The following ZMYND8 variants were observed in gnomAD, a reference collection of about 807,000 sequenced individuals.
ZMYND8 encodes the protein MYND-type zinc finger-containing chromatin reader ZMYND8.
A neutral mutation model predicts 140.8 loss-of-function variants in ZMYND8; 37 were observed. That is an observed-to-expected ratio of 0.26 (90% CI 0.20 to 0.35). The LOEUF (loss-of-function observed/expected upper bound fraction) is 0.35. Among genes scored for constraint, ZMYND8 ranks in the 10% least tolerant of loss-of-function variants. The pLI, the probability that ZMYND8 is intolerant of heterozygous loss-of-function variation, is 1.00. For synonymous variants in ZMYND8, 592 were observed against 597.1 expected (o/e 0.99, Z 0.12); for missense variants, 1,068 against 1,570.0 (o/e 0.68, Z 5.40).
intron 19 of ZMYND8, among the ~76,000 whole-genome samples, chr20:47,223,404 G>C (rs1395016315): frequency 6.6e-6 from 1 of 152,124 alleles, no homozygotes; most frequent in Non-Finnish European, 1.5e-5. Flanking sequence ...CACTTGGGAG[G>C]CTGAGGCAGG....
In ZMYND8 at chr20:47,347,849, T is replaced by C; in HGVS notation, c.85+7A>G. ...TCTAGAATAGATAATACAAGATTTT[T>C]ACTCACCTTTGGAGCGAGTAGAGAT... is the stretch of plus-strand genomic sequence containing the variant. On this transcript the variant is annotated splice_region_variant and intron_variant, in intron 2 of 22. Transcript: ENST00000471951. 1.2e-6 allele frequency: 2 copies of C among 1,613,632 alleles called. No individual in the cohort carries two copies. Among genetic ancestry groups the C allele is most frequent in the East Asian group, 2.2e-5 (1 of 44,884 alleles).
Position 47,238,787 on chromosome 20 carries a change from G to A in ZMYND8, c.2636C>T (p.Thr879Met). 6.2e-7 allele frequency: 1 copy of A among 1,612,580 alleles called. No individual in the cohort carries two copies. The highest frequency in any genetic ancestry group is 1.1e-5 in the South Asian group (1 of 91,058). The part of the protein sequence containing the change: ...QQQQPQSSQG[T>M]RYQTRQAVKA... ...CACAGCCTGTCTGGTCTGATATCTC[G>A]TCCCCTGGGAAGACTGAGGCTGCTG... Residue 879 changes from threonine to methionine, a missense_variant, in exon 15 of 23, where the codon ACG becomes ATG. By Grantham distance (81) the Thr-to-Met change is moderately conservative. Around this residue, in one of 10 missense-constraint regions of ZMYND8, gnomAD observed 383 missense variants for 431.2 expected, o/e 0.89. Coordinates refer to ENST00000471951, the MANE Select transcript of ZMYND8 (RefSeq NM_001281775.3).
At chr20:47,268,109 TGAA>T (rs1367621778) in intron 11 of ZMYND8, among the ~76,000 whole-genome samples, 3 of 152,076 alleles carry the variant, frequency 2.0e-5, no homozygotes, top group African/African-American at 7.2e-5. Flanking sequence ...ATAAAATAAT[TGAA>T]GAAGGAGGTT....
rs2035081956 is a variant in ZMYND8, at chr20:47,210,433, C to CTTTTTTTTTTTTAAATT, written c.*327_*328insAATTTAAAAAAAAAAAA. On this transcript the variant is annotated 3_prime_UTR_variant, in exon 23 of 23. Transcript: ENST00000471951. ...GTTGCTTTTTTTTTTTTTTTTAAATCGTTTTTCTTTTTCTTTTTTTTTTTT... is the reference window on the plus strand; with the variant it reads ...GTTGCTTTTTTTTTTTTTTTTAAATCTTTTTTTTTTTTAAATTGTTTTTCTTTTTCTTTTTTTTTTTT... 1 of 144,912 alleles carries CTTTTTTTTTTTTAAATT rather than the reference C, an allele frequency of 6.9e-6. No individual in the cohort carries two copies. Among genetic ancestry groups the CTTTTTTTTTTTTAAATT allele is most frequent in the African/African-American group, 2.6e-5 (1 of 38,274 alleles). The allele number at this position is 144,912 out of a possible 1,614,324, so 9.0% of individuals were successfully genotyped here.
intron 12 of ZMYND8, among the ~76,000 whole-genome samples, chr20:47,256,326 T>A (rs2074714038): frequency 2.0e-5 from 3 of 150,162 alleles, no homozygotes; most frequent in East Asian, 2.0e-4. Context: ...TATTATTTTT[T>A]AAAAAAAGAG....
intron 8 of ZMYND8, among the ~76,000 whole-genome samples, chr20:47,286,259 C>T (rs1185655787): frequency 6.6e-6 from 1 of 151,412 alleles, no homozygotes; most frequent in African/African-American, 2.4e-5. Context: ...CTCACTGCAA[C>T]CTCTGCCTCC....
intron 3 of ZMYND8, among the ~76,000 whole-genome samples, chr20:47,303,673 G>A (rs966672836): frequency 6.6e-6 from 1 of 151,884 alleles, no homozygotes; most frequent in Non-Finnish European, 1.5e-5. Context: ...TCCAGCCTGT[G>A]TAACAGAGCA....
chr20:47,269,246 A>T (rs2075765011), intron 11 of ZMYND8, among the ~76,000 whole-genome samples: 2 of 152,202 alleles, frequency 1.3e-5, no homozygotes, highest in Admixed American at 6.5e-5. Flanking sequence ...GACTAAGCAG[A>T]TCACAAAAAA....
At chr20:47,290,816 CCTG>C (rs1274418622) in intron 6 of ZMYND8, among the ~76,000 whole-genome samples, 1 of 151,912 alleles carries the variant, frequency 6.6e-6, no homozygotes, top group Non-Finnish European at 1.5e-5. Context: ...GTCTCGAACT[CCTG>C]ACCTCAGATG....
chr20:47,303,686 ACT>A (rs1451868591), intron 3 of ZMYND8, among the ~76,000 whole-genome samples: 2 of 151,272 alleles, frequency 1.3e-5, no homozygotes, highest in African/African-American at 4.9e-5. Context: ...ACAGAGCAAG[ACT>A]CTGTCTCAAA....
At chr20:47,324,541 C>T (rs2148389488) in intron 2 of ZMYND8, among the ~76,000 whole-genome samples, 1 of 151,982 alleles carries the variant, frequency 6.6e-6, no homozygotes, top group South Asian at 2.1e-4. Context: ...AAATAAAAAC[C>T]TCAATAAGAT....
intron 2 of ZMYND8, among the ~76,000 whole-genome samples, chr20:47,342,411 G>A (rs985332238): frequency 1.3e-5 from 2 of 150,610 alleles, no homozygotes; most frequent in Admixed American, 6.6e-5. Context: ...GCCAGGCGTG[G>A]TGGTGCGCTC....
intron 12 of ZMYND8, among the ~76,000 whole-genome samples, chr20:47,258,460 G>A (rs763377490): frequency 2.2e-4 from 34 of 152,124 alleles, no homozygotes; most frequent in Non-Finnish European, 3.8e-4. Context: ...CCTATGAGTC[G>A]TAACACCTGC....
chr20:47,276,862 G>C (rs1232190699), intron 10 of ZMYND8, 67 bp from the exon 11 acceptor site: 53 of 1,376,452 alleles, frequency 3.9e-5, no homozygotes, highest in Non-Finnish European at 5.0e-5. Flanking sequence ...CTTTTTTCTT[G>C]ATGTGAACCA....
chr20:47,266,301 T>C (rs1041156039), intron 11 of ZMYND8, among the ~76,000 whole-genome samples: 1 of 149,054 alleles, frequency 6.7e-6, no homozygotes, highest in African/African-American at 2.4e-5. Flanking sequence ...GGGAGAGAGA[T>C]GGAGTTTCAC....
chr20:47,291,294 C>T (rs965687262), intron 6 of ZMYND8, among the ~76,000 whole-genome samples: 1 of 152,170 alleles, frequency 6.6e-6, no homozygotes, highest in Non-Finnish European at 1.5e-5. Flanking sequence ...CTACAGTGTT[C>T]CAAGTGTAAT....
intron 16 of ZMYND8, among the ~76,000 whole-genome samples, 200 bp from the exon 17 acceptor site, chr20:47,230,006 C>T (rs912248989): frequency 2.0e-5 from 3 of 152,106 alleles, no homozygotes; most frequent in Non-Finnish European, 4.4e-5. Flanking sequence ...TCTAGAGGGT[C>T]GAGGCAGGGA....
At chr20:47,269,021 CA>C (rs2075747342) in intron 11 of ZMYND8, among the ~76,000 whole-genome samples, 1 of 152,044 alleles carries the variant, frequency 6.6e-6, no homozygotes, top group East Asian at 1.9e-4. Context: ...GCCAACATGG[CA>C]AAACCGCTCT....
At chr20:47,318,674 C>T (rs2079623627) in intron 2 of ZMYND8, 1 of 454,118 alleles carries the variant, frequency 2.2e-6, no homozygotes, top group Admixed American at 2.4e-5. Flanking sequence ...AACTCGAGGA[C>T]CGGTCTGCAC....
Sources: gnomAD v4.1 joint callset for allele counts (sites outside exome capture counted in the v4.1 genomes callset) on GRCh38, gnomAD v4.1.1 for gene constraint, gnomAD v4.1.1 regional missense constraint, MANE v1.5 for transcripts, NCBI Gene and HGNC (gene_info 2026-07-23, HGNC 2026-07-21) for gene names.